The following FAM168A variants were observed in gnomAD, a reference collection of about 807,000 sequenced individuals.
The protein encoded by FAM168A is family with sequence similarity 168 member A, also known as protein FAM168A.
In FAM168A, 3 loss-of-function variants were observed where a neutral mutation model predicts 28.5. That is an observed-to-expected ratio of 0.11 (90% CI 0.05 to 0.27). FAM168A has a LOEUF of 0.27. FAM168A is among the 10% of genes least tolerant of loss of function. FAM168A has a pLI of 1.00. For synonymous variants in FAM168A, 122 were observed against 124.2 expected (o/e 0.98, Z 0.12); for missense variants, 222 against 311.5 (o/e 0.71, Z 2.16).
intron 1 of FAM168A, among the ~76,000 whole-genome samples, chr11:73,572,868 T>A (rs905023288): frequency 4.0e-5 from 6 of 151,748 alleles, no homozygotes; most frequent in Non-Finnish European, 8.8e-5. Context: ...CCAAGAATGA[T>A]CAATAAAATA....
chr11:73,466,290 A>G (rs1867734700), intron 2 of FAM168A, among the ~76,000 whole-genome samples: 1 of 152,218 alleles, frequency 6.6e-6, no homozygotes, highest in South Asian at 2.1e-4. Context: ...TCTTTAGTTT[A>G]TCATGGGGAA....
intron 1 of FAM168A, among the ~76,000 whole-genome samples, chr11:73,585,309 T>A (rs1367588887): frequency 6.6e-6 from 1 of 152,222 alleles, no homozygotes; most frequent in Non-Finnish European, 1.5e-5. Flanking sequence ...TCTTTATGAA[T>A]TATCTCATTC....
intron 2 of FAM168A, among the ~76,000 whole-genome samples, chr11:73,432,271 A>C (rs1867008624): frequency 6.6e-6 from 1 of 152,224 alleles, no homozygotes; most frequent in Admixed American, 6.5e-5. Context: ...CCTGTTTTCA[A>C]ATCTTTGGGA....
At chr11:73,474,078 G>A (rs886638416) in intron 1 of FAM168A, among the ~76,000 whole-genome samples, 1 of 151,948 alleles carries the variant, frequency 6.6e-6, no homozygotes. Flanking sequence ...CCAAAGTGCT[G>A]AGATTACAGA....
At chr11:73,537,499 G>A (rs1943597322) in intron 1 of FAM168A, among the ~76,000 whole-genome samples, 1 of 152,066 alleles carries the variant, frequency 6.6e-6, no homozygotes, top group African/African-American at 2.4e-5. Flanking sequence ...AGGCAGAGGA[G>A]GCAGAGTGAG....
At chr11:73,421,061 A>C (rs1481236982) in intron 3 of FAM168A, among the ~76,000 whole-genome samples, 1 of 137,656 alleles carries the variant, frequency 7.3e-6, no homozygotes, top group East Asian at 2.2e-4. Context: ...TTTCCACTCA[A>C]ATAAAGTCTT....
At chr11:73,454,284 T>C (rs7127171) in intron 2 of FAM168A, among the ~76,000 whole-genome samples, 47,981 of 152,092 alleles carry the variant, frequency 0.32, 9,798 homozygotes, top group African/African-American at 0.58. Flanking sequence ...TAAAGATTAA[T>C]ACCCAGATTG....
At chr11:73,480,393 TCTC>T (rs200113916) in intron 1 of FAM168A, among the ~76,000 whole-genome samples, 21 of 143,496 alleles carry the variant, frequency 1.5e-4, no homozygotes, top group Admixed American at 4.1e-4. Context: ...TTTCTCTCTC[TCTC>T]TTTTTTTTTT....
intron 1 of FAM168A, among the ~76,000 whole-genome samples, chr11:73,502,793 T>G (rs948759499): frequency 6.6e-6 from 1 of 152,150 alleles, no homozygotes; most frequent in Non-Finnish European, 1.5e-5. Context: ...ATCACAAAAC[T>G]TATCCACCAC....
chr11:73,548,870 A>G (rs1943792144), intron 1 of FAM168A, among the ~76,000 whole-genome samples: 1 of 152,110 alleles, frequency 6.6e-6, no homozygotes. Context: ...TCCCGGCCTC[A>G]AGTGGTCCTC....
chr11:73,586,787 A>G (rs1277234550), intron 1 of FAM168A, among the ~76,000 whole-genome samples: 1 of 152,200 alleles, frequency 6.6e-6, no homozygotes, highest in Non-Finnish European at 1.5e-5. Context: ...AATATACCTT[A>G]AAAACCACTC....
intron 1 of FAM168A, among the ~76,000 whole-genome samples, chr11:73,470,463 GT>G (rs1867798619): frequency 6.6e-6 from 1 of 152,208 alleles, no homozygotes; most frequent in Admixed American, 6.5e-5. Context: ...CATTTTAACA[GT>G]AATTAAGATG....
chr11:73,434,473 G>C (rs568818418), intron 2 of FAM168A, among the ~76,000 whole-genome samples: 3 of 152,334 alleles, frequency 2.0e-5, no homozygotes, highest in African/African-American at 7.2e-5. Context: ...GGAAATGATA[G>C]TGTTAAGCAG....
intron 1 of FAM168A, among the ~76,000 whole-genome samples, chr11:73,495,116 T>G (rs1854843794): frequency 6.8e-6 from 1 of 147,258 alleles, no homozygotes; most frequent in Admixed American, 6.7e-5. Context: ...TGAGGCTTAA[T>G]GGTATAGACG....
chr11:73,409,136 G>T (rs1866561451), intron 6 of FAM168A, among the ~76,000 whole-genome samples: 1 of 152,098 alleles, frequency 6.6e-6, no homozygotes, highest in Non-Finnish European at 1.5e-5. Context: ...TCTTATCCTT[G>T]CTAGCGATCC....
chr11:73,526,015 T>C (rs941530698), intron 1 of FAM168A, among the ~76,000 whole-genome samples: 1 of 152,138 alleles, frequency 6.6e-6, no homozygotes, highest in African/African-American at 2.4e-5. Context: ...TAGTATGCTG[T>C]TTTTTTGAAC....
In FAM168A at chr11:73,525,021, A is replaced by AT. The variant is rs11292586; in HGVS notation, c.-18-56530dup. 1.8e-3 allele frequency among the ~76,000 whole-genome samples: 262 copies of AT among 143,542 alleles called. 1 individual carries two copies. The highest frequency in any genetic ancestry group is 4.0e-3 in the South Asian group (18 of 4,480). 94.2% of individuals were successfully genotyped at this position (143,542 alleles called of 152,430 possible). On this transcript the variant is annotated intron_variant, in intron 1 of 7. Transcript: ENST00000356467. ...ACTTTTTTGATCTGAGTTTTTTGCA[A>AT]TTTTTTTTTTTTTTGCTCCTACATT... is the stretch of plus-strand genomic sequence containing the variant.
chr11:73,409,709 G>T (rs1377161086), intron 5 of FAM168A, 48 bp from the exon 6 acceptor site: 1 of 1,550,770 alleles, frequency 6.4e-7, no homozygotes, highest in Admixed American at 1.9e-5. Context: ...GAGGTAGGTG[G>T]GATATGGAGA....
At position 73,430,563 on chromosome 11, in the gene FAM168A, A is replaced by G. The variant is rs1866969755; in HGVS notation, c.151+127T>C. 11 of 852,612 alleles carry G rather than the reference A, an allele frequency of 1.3e-5. No homozygotes were observed. In the South Asian group the frequency reaches 1.5e-4, roughly 12 times the overall value. 52.8% of individuals were successfully genotyped at this position (852,612 alleles called of 1,614,324 possible). On this transcript the variant is annotated intron_variant, in intron 3 of 7. Coordinates refer to ENST00000356467, the MANE Select transcript of FAM168A (RefSeq NM_015159.3). ...GTTCCCAGAAGGGACTCCCAGGAAAATCCAGCCTGGAGAGGCTGCGCCCGG... is the reference window on the plus strand; with the variant it reads ...GTTCCCAGAAGGGACTCCCAGGAAAGTCCAGCCTGGAGAGGCTGCGCCCGG...
Sources: gnomAD v4.1 joint callset for allele counts (sites outside exome capture counted in the v4.1 genomes callset) on GRCh38, gnomAD v4.1.1 for gene constraint, MANE v1.5 for transcripts, NCBI Gene and HGNC (gene_info 2026-07-23, HGNC 2026-07-21) for gene names.